Variants in ATRNL1 observed in about 807,000 individuals in gnomAD.
The protein encoded by ATRNL1 is attractin-like protein 1.
Under a neutral mutation model 182.7 loss-of-function variants are expected in ATRNL1, and 95 were observed. The ratio of observed to expected loss-of-function variants is 0.52; its 90% confidence interval spans 0.44 to 0.62. The LOEUF (loss-of-function observed/expected upper bound fraction) is 0.62, where lower values mean the gene tolerates loss of function less well. Ranked by LOEUF, ATRNL1 falls within the 20% of genes least tolerant of loss-of-function variation. ATRNL1 has a pLI of 0.00. For missense variants in ATRNL1, 1,471 were observed against 1,679.5 expected (o/e 0.88, Z 2.17); for synonymous variants, 576 against 568.3 (o/e 1.01, Z -0.19).
intron 9 of ATRNL1, among the ~76,000 whole-genome samples, chr10:115,234,253 T>C (rs75037348): frequency 0.011 from 1,723 of 152,200 alleles, 28 homozygotes; most frequent in African/African-American, 0.038. Context: ...TTCAGTTAAA[T>C]TGTTATAAAG....
chr10:115,250,778 A>G (rs1463268807), intron 10 of ATRNL1, among the ~76,000 whole-genome samples: 2 of 152,096 alleles, frequency 1.3e-5, no homozygotes, highest in Non-Finnish European at 2.9e-5. Flanking sequence ...TGTAGGTTTT[A>G]TTTTCCATCC....
At chr10:115,857,018 C>T (rs570313262) in intron 28 of ATRNL1, among the ~76,000 whole-genome samples, 10 of 152,102 alleles carry the variant, frequency 6.6e-5, no homozygotes, top group Non-Finnish European at 1.5e-4. Context: ...TTCTCCTCCT[C>T]CTTCTCTGCT....
intron 27 of ATRNL1, among the ~76,000 whole-genome samples, chr10:115,731,252 C>T (rs2804164): frequency 0.18 from 26,853 of 152,124 alleles, 2,701 homozygotes; most frequent in Non-Finnish European, 0.22. Context: ...TCCTGCCCCA[C>T]AGCAGGTGGG....
At chr10:115,866,215 A>T (rs190283835) in intron 28 of ATRNL1, among the ~76,000 whole-genome samples, 397 of 152,324 alleles carry the variant, frequency 2.6e-3, no homozygotes, top group African/African-American at 9.0e-3. Context: ...GCTCTTTCCC[A>T]TTAAAATATT....
intron 26 of ATRNL1, among the ~76,000 whole-genome samples, chr10:115,726,763 T>C (rs1278933363): frequency 6.6e-6 from 1 of 152,232 alleles, no homozygotes; most frequent in Non-Finnish European, 1.5e-5. Context: ...TCTGATGACT[T>C]ACAAAACTTA....
At position 115,493,670 on chromosome 10, in the gene ATRNL1, T is replaced by C. The variant is rs797039021; in HGVS notation, c.3654+24341T>C. 2.6e-5 allele frequency among the ~76,000 whole-genome samples: 4 copies of C among 152,318 alleles called. No individual in the cohort carries two copies. In the South Asian group the frequency reaches 6.2e-4, roughly 24 times the overall value. Reference sequence around the variant, plus strand: ...TGGGTTGAATGGTAGTTCTGTTTAATGTTCTTTGAGAAATTGCCAAACTGC... The same window carrying C: ...TGGGTTGAATGGTAGTTCTGTTTAACGTTCTTTGAGAAATTGCCAAACTGC... On this transcript the variant is annotated intron_variant, in intron 24 of 28. Transcript: ENST00000355044.
intron 8 of ATRNL1, among the ~76,000 whole-genome samples, chr10:115,188,640 TC>T (rs1170121972): frequency 5.3e-5 from 8 of 152,162 alleles, no homozygotes; most frequent in African/African-American, 1.9e-4. Context: ...TTAACTTTTT[TC>T]CTTTTGATCT....
intron 24 of ATRNL1, among the ~76,000 whole-genome samples, chr10:115,491,876 A>G (rs7097452): frequency 0.027 from 4,097 of 152,248 alleles, 219 homozygotes; most frequent in African/African-American, 0.095. Flanking sequence ...CCCTGGTGGC[A>G]TAGACACCAG....
At chr10:115,578,142 G>T (rs1854840994) in intron 26 of ATRNL1, among the ~76,000 whole-genome samples, 2 of 151,728 alleles carry the variant, frequency 1.3e-5, no homozygotes, top group African/African-American at 4.8e-5. Context: ...TTGTGTTGTT[G>T]TATTTAGTTT....
intron 27 of ATRNL1, among the ~76,000 whole-genome samples, chr10:115,774,370 A>G (rs1949067083): frequency 7.3e-6 from 1 of 137,124 alleles, no homozygotes; most frequent in South Asian, 2.4e-4. Context: ...AGTTGCGGTG[A>G]GCCGAGATCA....
intron 15 of ATRNL1, among the ~76,000 whole-genome samples, chr10:115,298,222 T>C (rs985884303): frequency 1.3e-5 from 2 of 152,164 alleles, no homozygotes; most frequent in Non-Finnish European, 2.9e-5. Context: ...ATGCACTTTA[T>C]AGAGATATCT....
At chr10:115,648,916 A>G (rs1859807355) in intron 26 of ATRNL1, among the ~76,000 whole-genome samples, 1 of 152,152 alleles carries the variant, frequency 6.6e-6, no homozygotes, top group African/African-American at 2.4e-5. Flanking sequence ...ATTGCAATGC[A>G]GAGTATTTCT....
chr10:115,683,763 T>C (rs1224914063), intron 26 of ATRNL1, among the ~76,000 whole-genome samples: 1 of 151,800 alleles, frequency 6.6e-6, no homozygotes, highest in Non-Finnish European at 1.5e-5. Context: ...AATAGAACAA[T>C]GTAAACAAAT....
At chr10:115,307,465 T>C (rs1853791721) in intron 17 of ATRNL1, among the ~76,000 whole-genome samples, 1 of 152,156 alleles carries the variant, frequency 6.6e-6, no homozygotes, top group Non-Finnish European at 1.5e-5. Context: ...TTTCACCATG[T>C]TGGCCAGGCT....
intron 26 of ATRNL1, among the ~76,000 whole-genome samples, chr10:115,692,186 G>C (rs1946415108): frequency 6.6e-6 from 1 of 152,104 alleles, no homozygotes; most frequent in Non-Finnish European, 1.5e-5. Flanking sequence ...TCCAACTATA[G>C]TAAGGCAAAA....
chr10:115,893,811 G>A (rs1555111835), intron 28 of ATRNL1, among the ~76,000 whole-genome samples: 10 of 152,152 alleles, frequency 6.6e-5, no homozygotes, highest in African/African-American at 1.2e-4. Context: ...AATAATTTCT[G>A]TCATATCTGT....
At chr10:115,385,861 A>C (rs1422205076) in intron 19 of ATRNL1, among the ~76,000 whole-genome samples, 1 of 152,162 alleles carries the variant, frequency 6.6e-6, no homozygotes, top group Admixed American at 6.5e-5. Flanking sequence ...TTGAAAACTA[A>C]ATTGATGGAA....
At chr10:115,915,260 T>C (rs1555116911) in intron 28 of ATRNL1, among the ~76,000 whole-genome samples, 1 of 151,938 alleles carries the variant, frequency 6.6e-6, no homozygotes, top group African/African-American at 2.4e-5. Context: ...TAGCCAGGCG[T>C]GGTGGCGGGC....
intron 26 of ATRNL1, among the ~76,000 whole-genome samples, chr10:115,647,946 T>C (rs1300813112): frequency 1.3e-5 from 2 of 152,176 alleles, no homozygotes; most frequent in Non-Finnish European, 2.9e-5. Context: ...ATTTAAGTCT[T>C]TAATCCATCT....
Sources: allele counts gnomAD v4.1 joint callset (sites outside exome capture counted in the v4.1 genomes callset), GRCh38; gene constraint gnomAD v4.1.1; transcripts MANE v1.5; gene names NCBI Gene and HGNC (gene_info 2026-07-23, HGNC 2026-07-21).